The following MAF variants were observed in gnomAD, a reference collection of about 807,000 sequenced individuals.
The protein encoded by MAF is transcription factor Maf.
MAF carries 10 observed loss-of-function variants against 22.0 expected under a neutral mutation model. That is an observed-to-expected ratio of 0.45 (90% CI 0.28 to 0.77). MAF has a LOEUF of 0.77. MAF is among the 30% of genes least tolerant of loss of function. The pLI is 0.12. For synonymous variants in MAF, 337 were observed against 255.8 expected (o/e 1.32, Z -3.03); for missense variants, 544 against 548.4 (o/e 0.99, Z 0.08).
chr16:79,357,714 T>C, the MAF span, among the ~76,000 whole-genome samples: 1 of 152,062 alleles, frequency 6.6e-6, no homozygotes, highest in Non-Finnish European at 1.5e-5. Context: ...TACTAGATGC[T>C]GCCCAGGTGA....
At chr16:79,273,143 C>A in the MAF span, among the ~76,000 whole-genome samples, 2 of 152,142 alleles carry the variant, frequency 1.3e-5, no homozygotes, top group African/African-American at 4.8e-5. Flanking sequence ...TTAGTCAGAC[C>A]TTCAGGGAAT....
At chr16:79,394,746 C>T in the MAF span, among the ~76,000 whole-genome samples, 3 of 152,210 alleles carry the variant, frequency 2.0e-5, no homozygotes, top group African/African-American at 7.2e-5. Flanking sequence ...TACCCAGACA[C>T]TCCTACTCCA....
chr16:79,272,248 T>A, the MAF span, among the ~76,000 whole-genome samples: 1 of 152,194 alleles, frequency 6.6e-6, no homozygotes, highest in African/African-American at 2.4e-5. Context: ...TGAAGGTGTT[T>A]CTCTACAGCA....
At chr16:79,502,715 ATATATATATATATAT>A in the MAF span, among the ~76,000 whole-genome samples, 6 of 41,212 alleles carry the variant, frequency 1.5e-4, no homozygotes, top group Admixed American at 2.3e-4. Flanking sequence ...ATAAATATAT[ATATATATATATATAT>A]ATATATATAT....
At chr16:79,460,930 CT>C in the MAF span, among the ~76,000 whole-genome samples, 1 of 151,986 alleles carries the variant, frequency 6.6e-6, no homozygotes, top group Non-Finnish European at 1.5e-5. Context: ...CTTTTTCTTT[CT>C]TTCTTTTTCA....
At chr16:79,226,883 C>G in the MAF span, among the ~76,000 whole-genome samples, 1 of 152,048 alleles carries the variant, frequency 6.6e-6, no homozygotes, top group African/African-American at 2.4e-5. Context: ...TGAGCTGACT[C>G]AGGTCCAGTC....
chr16:79,429,440 C>T, the MAF span, among the ~76,000 whole-genome samples: 1 of 152,186 alleles, frequency 6.6e-6, no homozygotes, highest in Non-Finnish European at 1.5e-5. Context: ...GAGACCTCCC[C>T]TCTGAGGAGC....
At chr16:79,555,031 G>A in the MAF span, among the ~76,000 whole-genome samples, 2 of 152,140 alleles carry the variant, frequency 1.3e-5, no homozygotes, top group Non-Finnish European at 2.9e-5. Context: ...TTGATTAAGA[G>A]GAGATGGGAT....
the MAF span, among the ~76,000 whole-genome samples, chr16:79,262,561 C>T: frequency 6.6e-6 from 1 of 152,078 alleles, no homozygotes; most frequent in Non-Finnish European, 1.5e-5. Context: ...ACAGCACACG[C>T]AAAGGCATGG....
At chr16:79,443,070 C>A in the MAF span, among the ~76,000 whole-genome samples, 1 of 152,162 alleles carries the variant, frequency 6.6e-6, no homozygotes, top group African/African-American at 2.4e-5. Flanking sequence ...AAGGAGGTAA[C>A]AAGTGTAAGA....
chr16:79,258,079 A>C, the MAF span, among the ~76,000 whole-genome samples: 2 of 152,208 alleles, frequency 1.3e-5, no homozygotes, highest in East Asian at 3.8e-4. Context: ...TTGCGTGTTT[A>C]ACCTCAGCCC....
chr16:79,430,040 C>T, the MAF span, among the ~76,000 whole-genome samples: 2 of 152,168 alleles, frequency 1.3e-5, no homozygotes, highest in Non-Finnish European at 2.9e-5. Context: ...TTCTGCCTTG[C>T]TCTGGTTCCA....
chr16:79,295,925 T>G, the MAF span, among the ~76,000 whole-genome samples: 1 of 152,234 alleles, frequency 6.6e-6, no homozygotes, highest in Non-Finnish European at 1.5e-5. Context: ...ATTCTGCTGT[T>G]GGGCTCTGCT....
chr16:79,468,850 G>T, the MAF span, among the ~76,000 whole-genome samples: 1 of 152,154 alleles, frequency 6.6e-6, no homozygotes, highest in African/African-American at 2.4e-5. Flanking sequence ...GGTCAGGAAG[G>T]CTACATGCAG....
At chr16:79,438,312 C>T in the MAF span, among the ~76,000 whole-genome samples, 2 of 152,148 alleles carry the variant, frequency 1.3e-5, no homozygotes, top group South Asian at 2.1e-4. Flanking sequence ...ACCAGAGGCA[C>T]CCGTTTGGAG....
chr16:79,503,990 C>T, the MAF span, among the ~76,000 whole-genome samples: 4 of 152,144 alleles, frequency 2.6e-5, no homozygotes, highest in South Asian at 2.1e-4. Flanking sequence ...TGTTACATTG[C>T]AGGGGCTCAG....
chr16:79,356,362 T>C, the MAF span, among the ~76,000 whole-genome samples: 3 of 152,220 alleles, frequency 2.0e-5, no homozygotes, highest in Non-Finnish European at 2.9e-5. Context: ...GGTGTCATGA[T>C]GCAGTCTGGT....
the MAF span, among the ~76,000 whole-genome samples, chr16:79,537,439 C>A: frequency 0.13 from 19,843 of 152,088 alleles, 1,392 homozygotes; most frequent in South Asian, 0.17. Context: ...TTGCAATGCC[C>A]ATTTTACAGC....
At chr16:79,559,714 C>A in the MAF span, among the ~76,000 whole-genome samples, 1 of 152,044 alleles carries the variant, frequency 6.6e-6, no homozygotes, top group Non-Finnish European at 1.5e-5. Context: ...GAGAAGCCAA[C>A]GGAAATGAAA....
Sources: allele counts gnomAD v4.1 joint callset (sites outside exome capture counted in the v4.1 genomes callset), GRCh38; gene constraint gnomAD v4.1.1; transcripts MANE v1.5; gene names NCBI Gene and HGNC (gene_info 2026-07-23, HGNC 2026-07-21).